ZNF716: variants seen among roughly 807,000 people sequenced by gnomAD.
The protein encoded by ZNF716 is zinc finger protein 716.
ZNF716 carries 9 observed loss-of-function variants against 13.4 expected under a neutral mutation model. The ratio of observed to expected loss-of-function variants is 0.67; its 90% CI spans 0.41 to 1.18. The LOEUF is 1.18. Ranked by LOEUF, ZNF716 falls within the 50% of genes most tolerant of loss-of-function variation. The pLI is 0.01. For missense variants in ZNF716, 581 were observed against 576.6 expected, an observed-to-expected ratio of 1.01 and a Z score of -0.08; for synonymous variants, 186 against 195.2, an observed-to-expected ratio of 0.95 and a Z score of 0.39.
At chr7:57,458,492 G>C (rs1436951584) in intron 1 of ZNF716, among the ~76,000 whole-genome samples, 1 of 150,606 alleles carries the variant, frequency 6.6e-6, no homozygotes, top group Non-Finnish European at 1.5e-5. Context: ...GCACGATCTT[G>C]GCTCACTGCA....
At chr7:57,452,156 T>C (rs1789509387) in intron 1 of ZNF716, among the ~76,000 whole-genome samples, 1 of 152,182 alleles carries the variant, frequency 6.6e-6, no homozygotes, top group African/African-American at 2.4e-5. Context: ...TTTTCAGTTT[T>C]TGTGACATTC....
At position 57,457,590 on chromosome 7, in the gene ZNF716, C is replaced by T. The variant is rs193048358; in HGVS notation, c.40-4870C>T. 2.9e-3 allele frequency among the ~76,000 whole-genome samples: 441 copies of T among 152,184 alleles called. 2 individuals carry two copies. The highest frequency in any genetic ancestry group is 4.6e-3 in the Non-Finnish European group (310 of 68,010). ...AACTCCTGGCCTCAGGTGATCTGCC[C>T]GCCTCGGCCTTCCAAAGTGCTGGGA... On this transcript the variant is annotated intron_variant, in intron 1 of 3. Coordinates refer to ENST00000420713, the MANE Select transcript of ZNF716 (RefSeq NM_001159279.1).
intron 1 of ZNF716, among the ~76,000 whole-genome samples, chr7:57,452,193 CATATT>C (rs1384632940): frequency 3.9e-5 from 6 of 152,116 alleles, no homozygotes; most frequent in African/African-American, 1.4e-4. Context: ...CTTTCTAACT[CATATT>C]ATTATCTATT....
rs782217949 is a variant in ZNF716, at chr7:57,468,836, A to G, written c.375A>G (p.Val125=). Residue 125 remains valine, a synonymous_variant, in exon 4 of 4, where the codon GTA becomes GTG. Transcript: ENST00000420713. ...AATGTGGACAGGAGGATTTACAAGT[A>G]AAAAAATGCTGTAAAAGTGTAGGTG... ...YGKCGQEDLQ[V]KKCCKSVGEC... 1.9e-6 allele frequency: 3 copies of G among 1,613,348 alleles called. No homozygotes were observed. Among genetic ancestry groups the G allele is most frequent in the Non-Finnish European group, 2.5e-6 (3 of 1,179,704 alleles).
In ZNF716 at chr7:57,469,222, C is replaced by T; in HGVS notation, c.761C>T (p.Ala254Val). Residue 254 changes from alanine to valine, a missense_variant, in exon 4 of 4, where the codon GCA becomes GTA. By Grantham distance (64) the Ala-to-Val change is moderately conservative. Coordinates refer to ENST00000420713, the MANE Select transcript of ZNF716 (RefSeq NM_001159279.1). The stretch of plus-strand genomic sequence containing the variant: ...TGTGGCAAAGCTTTTAGCTGGTCTG[C>T]ATCCCTTACTAAACATAAGAGAATT... Reference protein sequence around the residue: ...EECGKAFSWSASLTKHKRIHT... With the variant: ...EECGKAFSWSVSLTKHKRIHT... 2 of 1,612,632 alleles carry T rather than the reference C, an allele frequency of 1.2e-6. No homozygotes were observed. The highest frequency in any genetic ancestry group is 1.1e-5 in the South Asian group (1 of 90,976).
At position 57,471,100 on chromosome 7, in the gene ZNF716, A is replaced by T. The variant is rs1398443567; in HGVS notation, c.*1151A>T. On this transcript the variant is annotated 3_prime_UTR_variant, in exon 4 of 4. Coordinates refer to ENST00000420713, the MANE Select transcript of ZNF716 (RefSeq NM_001159279.1). Reference sequence around the variant, plus strand: ...TTAATGTCTGTTCACATCTTACTCAATATCAGAAAGTTTATACTTAACAAA... The same window carrying T: ...TTAATGTCTGTTCACATCTTACTCATTATCAGAAAGTTTATACTTAACAAA... 6.6e-6 allele frequency: 1 copy of T among 152,136 alleles called. No individual in the cohort carries two copies. Among genetic ancestry groups the T allele is most frequent in the Non-Finnish European group, 1.5e-5 (1 of 68,024 alleles). The allele number at this position is 152,136 out of a possible 1,614,324, so 9.4% of individuals were successfully genotyped here. A position where few individuals can be genotyped will look rare whatever the true frequency, so the allele number is the denominator to read the frequency against.
intron 1 of ZNF716, 124 bp downstream of exon 1, chr7:57,450,451 T>C: frequency 1.9e-6 from 3 of 1,547,656 alleles, no homozygotes; most frequent in South Asian, 1.1e-5. Flanking sequence ...CAAATCCTCC[T>C]TGTCCCAGCT....
At chr7:57,457,899 CA>C (rs1554322340) in intron 1 of ZNF716, among the ~76,000 whole-genome samples, 1 of 152,180 alleles carries the variant, frequency 6.6e-6, no homozygotes, top group African/African-American at 2.4e-5. Flanking sequence ...TAAGTGACAA[CA>C]TACAGTATTT....
rs782364007 is a variant in ZNF716, at chr7:57,468,891, TA to T, written c.431del (p.Tyr144LeufsTer57). 2.5e-6 allele frequency: 4 copies of T among 1,613,404 alleles called. No individual in the cohort carries two copies. Among genetic ancestry groups the T allele is most frequent in the Non-Finnish European group, 2.5e-6 (3 of 1,179,654 alleles). The stretch of plus-strand genomic sequence containing the variant: ...TGAGGTGCACAAAGGAGGTTATAAT[TA>T]TGTTAACCAATGTTTGTCAGCTACC... ...ECEVHKGGYNYVNQCLSATQN... is the reference protein window; with the variant it reads ...ECEVHKGGYNXVNQCLSATQN... On this transcript the variant is annotated frameshift_variant, in exon 4 of 4. Coordinates refer to ENST00000420713, the MANE Select transcript of ZNF716 (RefSeq NM_001159279.1). LOFTEE classifies it low-confidence loss of function (END_TRUNC).
intron 1 of ZNF716, among the ~76,000 whole-genome samples, chr7:57,462,023 GGTGGCTCATGCCTGTAGTCCCAGCTACTC>G (rs1554323167): frequency 6.6e-6 from 1 of 151,972 alleles, no homozygotes; most frequent in Non-Finnish European, 1.5e-5. Context: ...AGCCAGGCAT[GGTGGCTCATGCCTGTAGTCCCAGCTACTC>G]AGGAGGCTGA....
Position 57,471,314 on chromosome 7 carries a change from C to T in ZNF716, c.*1365C>T, listed in dbSNP as rs6965676. ...CCTGTAATCCCAGCTACTCAGGAGG[C>T]TGAAGCAGGAGAATTGCTTGAACCC... is the stretch of plus-strand genomic sequence containing the variant. On this transcript the variant is annotated 3_prime_UTR_variant, in exon 4 of 4. Transcript: ENST00000420713. 6.6e-6 allele frequency: 1 copy of T among 151,610 alleles called. No individual in the cohort carries two copies. The highest frequency in any genetic ancestry group is 2.4e-5 in the African/African-American group (1 of 41,202). 9.4% of individuals were successfully genotyped at this position (151,610 alleles called of 1,614,324 possible).
chr7:57,465,533 GT>G (rs1474975662), intron 3 of ZNF716, among the ~76,000 whole-genome samples: 2 of 151,890 alleles, frequency 1.3e-5, no homozygotes, highest in Admixed American at 1.3e-4. Flanking sequence ...TTAACTATTT[GT>G]AAAGACGGTC....
chr7:57,453,444 G>A (rs77600092), intron 1 of ZNF716, among the ~76,000 whole-genome samples: 1 of 152,186 alleles, frequency 6.6e-6, no homozygotes, highest in South Asian at 2.1e-4. Context: ...TTAGTTAACT[G>A]TAAATTGCAT....
rs2116426137 is a variant in ZNF716, at chr7:57,469,225, C to T, written c.764C>T (p.Ser255Phe). ...ECGKAFSWSA[S>F]LTKHKRIHTG... is the part of the protein sequence containing the mutation. ...GGCAAAGCTTTTAGCTGGTCTGCAT[C>T]CCTTACTAAACATAAGAGAATTCAT... Residue 255 changes from serine to phenylalanine, a missense_variant, in exon 4 of 4, where the codon TCC becomes TTC. By Grantham distance (155) the Ser-to-Phe change is radical (BLOSUM62 -2). Coordinates refer to ENST00000420713, the MANE Select transcript of ZNF716 (RefSeq NM_001159279.1). 1.2e-6 allele frequency: 2 copies of T among 1,612,516 alleles called. No homozygotes were observed. The highest frequency in any genetic ancestry group is 4.5e-5 in the East Asian group (2 of 44,724).
intron 1 of ZNF716, among the ~76,000 whole-genome samples, chr7:57,452,495 G>A (rs368481200): frequency 3.3e-5 from 5 of 151,676 alleles, no homozygotes; most frequent in South Asian, 4.2e-4. Flanking sequence ...AAAAATAACC[G>A]GGCGTGGTGG....
intron 1 of ZNF716, among the ~76,000 whole-genome samples, chr7:57,459,579 C>T (rs1219496995): frequency 6.6e-6 from 1 of 152,140 alleles, no homozygotes; most frequent in Non-Finnish European, 1.5e-5. Flanking sequence ...ATTCCTGGAC[C>T]CTTTTGGATC....
At position 57,470,027 on chromosome 7, in the gene ZNF716, ATG is replaced by A; in HGVS notation, c.*81_*82del. The A allele has an allele frequency of 2.2e-6, 3 of 1,356,118 alleles. No individual in the cohort carries two copies. Among genetic ancestry groups the A allele is most frequent in the Non-Finnish European group, 3.0e-6 (3 of 1,013,596 alleles). The allele number at this position is 1,356,118 out of a possible 1,614,324, so 84.0% of individuals were successfully genotyped here. On this transcript the variant is annotated 3_prime_UTR_variant, in exon 4 of 4. Coordinates refer to ENST00000420713, the MANE Select transcript of ZNF716 (RefSeq NM_001159279.1). ...GAAAAAATCACTACAAGTGTGGAGA[ATG>A]TGGCCAATTCTTTAACCAGTTCCAA...
intron 3 of ZNF716, among the ~76,000 whole-genome samples, chr7:57,466,386 G>A (rs1789816227): frequency 6.6e-6 from 1 of 151,984 alleles, no homozygotes; most frequent in Non-Finnish European, 1.5e-5. Context: ...TGTTAGATGT[G>A]GGGCCTAATG....
chr7:57,453,418 C>T (rs1001992388), intron 1 of ZNF716, among the ~76,000 whole-genome samples: 24 of 152,192 alleles, frequency 1.6e-4, no homozygotes, highest in African/African-American at 5.8e-4. Flanking sequence ...GATAGTTTCA[C>T]TTCTTTCGAC....
Sources: gnomAD v4.1 joint callset for allele counts (sites outside exome capture counted in the v4.1 genomes callset) on GRCh38, gnomAD v4.1.1 for gene constraint, MANE v1.5 for transcripts, NCBI Gene and HGNC (gene_info 2026-07-23, HGNC 2026-07-21) for gene names.